Variants in NUP54 observed in about 807,000 individuals in gnomAD.
NUP54 encodes the protein nucleoporin 54, also known as nucleoporin p54.
NUP54 carries 27 observed loss-of-function variants against 66.4 expected under a neutral mutation model. That is an observed-to-expected ratio of 0.41 (90% CI 0.30 to 0.56). NUP54 has a LOEUF of 0.56. NUP54 is among the 20% of genes least tolerant of loss of function. The pLI is 0.34. For missense variants in NUP54, 486 were observed against 596.3 expected (o/e 0.82, Z 1.93); for synonymous variants, 206 against 210.7 (o/e 0.98, Z 0.19).
At chr4:76,130,171 C>T (rs1020483822) in intron 8 of NUP54, among the ~76,000 whole-genome samples, 1 of 151,308 alleles carries the variant, frequency 6.6e-6, no homozygotes, top group African/African-American at 2.4e-5. Context: ...TAGTACAGAC[C>T]AGGTTTTGCC....
intron 3 of NUP54, among the ~76,000 whole-genome samples, chr4:76,137,839 C>T (rs1014170473): frequency 1.3e-5 from 2 of 152,186 alleles, no homozygotes; most frequent in African/African-American, 4.8e-5. Flanking sequence ...ATTTCAATTA[C>T]CTTTTCCTTA....
At chr4:76,129,734 A>G (rs1020111242) in intron 8 of NUP54, among the ~76,000 whole-genome samples, 10 of 151,680 alleles carry the variant, frequency 6.6e-5, no homozygotes, top group African/African-American at 1.9e-4. Context: ...GCGTGGTGGC[A>G]GGCGCCTGTA....
In NUP54 at chr4:76,123,856, G is replaced by A. The variant is rs1253953169; in HGVS notation, c.1164+793C>T. Among the ~76,000 whole-genome samples, 4 of 152,054 alleles carry A rather than the reference G, an allele frequency of 2.6e-5. No homozygotes were observed. The East Asian group carries it at 7.7e-4, about 29-fold the overall frequency. Reference sequence around the variant, plus strand: ...TTCTGTTTTGTATATCTACGGTGATGCCTCTTTTCCCACTACTAATTTTGT... The same window carrying A: ...TTCTGTTTTGTATATCTACGGTGATACCTCTTTTCCCACTACTAATTTTGT... On this transcript the variant is annotated intron_variant, in intron 9 of 11. Coordinates refer to ENST00000264883, the MANE Select transcript of NUP54 (RefSeq NM_017426.4).
In NUP54 at chr4:76,132,596, A is replaced by G. The variant is rs754212123; in HGVS notation, c.834T>C (p.Gly278=). ...CTGTTCTAGTCATAGAAAGGGTTAC[A>G]CCAAGTTGCTGCAATTGTGTTTTTA... is the stretch of plus-strand genomic sequence containing the variant. ...ANIKTQLQQL[G]VTLSMTRTEL... is the part of the protein sequence containing the mutation. Residue 278 remains glycine (G), a synonymous_variant, in exon 6 of 12, where the codon GGT becomes GGC. Coordinates refer to ENST00000264883, the MANE Select transcript of NUP54 (RefSeq NM_017426.4). 9 of 1,614,018 alleles carry G rather than the reference A, an allele frequency of 5.6e-6. No individual in the cohort carries two copies. The highest frequency in any genetic ancestry group is 6.8e-6 in the Non-Finnish European group (8 of 1,180,016).
chr4:76,132,491 T>C, intron 6 of NUP54, 32 bp downstream of exon 6: 1 of 1,500,776 alleles, frequency 6.7e-7, no homozygotes, highest in Non-Finnish European at 8.9e-7. Context: ...AATCTTTCTT[T>C]TTTTTTGAAC....
At chr4:76,127,155 G>A (rs1005313485) in intron 8 of NUP54, among the ~76,000 whole-genome samples, 28 of 152,194 alleles carry the variant, frequency 1.8e-4, no homozygotes, top group African/African-American at 4.8e-4. Context: ...ATATAGGGCT[G>A]GGCGCAGTGG....
intron 3 of NUP54, among the ~76,000 whole-genome samples, chr4:76,143,240 C>T (rs999587763): frequency 2.6e-5 from 4 of 152,126 alleles, no homozygotes; most frequent in Non-Finnish European, 5.9e-5. Context: ...ATACCATAGG[C>T]GTGCAATCAG....
At chr4:76,131,064 T>C (rs1243207724) in intron 7 of NUP54, among the ~76,000 whole-genome samples, 166 bp downstream of exon 7, 4 of 152,174 alleles carry the variant, frequency 2.6e-5, no homozygotes, top group Admixed American at 2.0e-4. Context: ...TTTTTCTTTT[T>C]GTTTTGGCTG....
At chr4:76,129,900 T>G (rs1730716473) in intron 8 of NUP54, among the ~76,000 whole-genome samples, 1 of 138,402 alleles carries the variant, frequency 7.2e-6, no homozygotes, top group Non-Finnish European at 1.6e-5. Context: ...CTTAGCAAAG[T>G]TAAAAGAATT....
intron 8 of NUP54, among the ~76,000 whole-genome samples, chr4:76,128,947 G>A (rs4859618): frequency 0.16 from 23,862 of 152,134 alleles, 2,866 homozygotes; most frequent in African/African-American, 0.33. Context: ...TAGGAGTAGG[G>A]AACTGCCAAA....
chr4:76,143,940 C>T (rs1731374018), intron 3 of NUP54, among the ~76,000 whole-genome samples: 1 of 152,148 alleles, frequency 6.6e-6, no homozygotes. Flanking sequence ...TGGAATGATC[C>T]TAAACACAGG....
rs765454936 is a variant in NUP54 at position 76,130,694 on chromosome 4, G to C, written c.1018C>G (p.Gln340Glu). 4 of 1,613,598 alleles carry C rather than the reference G, an allele frequency of 2.5e-6. No individual in the cohort carries two copies. Among genetic ancestry groups the C allele is most frequent in the Admixed American group, 1.7e-5 (1 of 59,992 alleles). Reference protein sequence around the residue: ...FKELLRRLKVQDQMTKQHQTR... With the variant: ...FKELLRRLKVEDQMTKQHQTR... ...TGATGCTGCTTAGTCATCTGATCTT[G>C]AACCTTCAGTCTTCGGAGAAGTTCC... The change falls in exon 8 of 12, where the codon CAA becomes GAA. Residue 340 changes from glutamine to glutamate, a missense_variant. By Grantham distance (29) the Gln-to-Glu change is conservative. Transcript: ENST00000264883.
At chr4:76,143,007 G>A (rs1429686801) in intron 3 of NUP54, among the ~76,000 whole-genome samples, 1 of 152,058 alleles carries the variant, frequency 6.6e-6, no homozygotes, top group African/African-American at 2.4e-5. Flanking sequence ...AGGTGGAATG[G>A]CACTATTTGT....
At chr4:76,118,602 G>A (rs1246633559) in intron 9 of NUP54, among the ~76,000 whole-genome samples, 1 of 142,756 alleles carries the variant, frequency 7.0e-6, no homozygotes, top group Non-Finnish European at 1.5e-5. Flanking sequence ...ATGTGGCCCA[G>A]GCTGGTCTTG....
chr4:76,146,236 A>G (rs2197104), intron 1 of NUP54: 42,723 of 249,302 alleles, frequency 0.17, 4,282 homozygotes, highest in East Asian at 0.38. Context: ...ATAACTCAAA[A>G]CTTAACAGTG....
In NUP54 at chr4:76,136,279, T is replaced by C; in HGVS notation, c.429A>G (p.Gln143=). ...ERDAILAKWN[Q]LQAFWGTGKG... ...TTCCTGTTCCCCAAAAGGCCTGCAG[T>C]TGATTCCATTTTGCCAAAATAGCAT... Residue 143 remains glutamine, a synonymous_variant, in exon 4 of 12, where the codon CAA becomes CAG. Transcript: ENST00000264883. 1 of 1,614,142 alleles carries C rather than the reference T, an allele frequency of 6.2e-7. No individual in the cohort carries two copies. Among genetic ancestry groups the C allele is most frequent in the Non-Finnish European group, 8.5e-7 (1 of 1,179,996 alleles).
rs1730035684 is a variant in NUP54 at position 76,118,101 on chromosome 4, C to T, written c.1258G>A (p.Glu420Lys). The stretch of plus-strand genomic sequence containing the variant: ...TTGAACTGAGTAGGTGCATTTAGTT[C>T]ACCCTGAATCGTATCCAGCTGAACT... The part of the protein sequence containing the change: ...LRVQLDTIQG[E>K]LNAPTQFKGR... The change falls in exon 10 of 12, where the codon GAA becomes AAA. Residue 420 changes from glutamate (E) to lysine (K), a missense_variant. Around this residue, in one of 4 missense-constraint regions of NUP54, gnomAD observed 83 missense variants for 128.6 expected, o/e 0.65. Transcript: ENST00000264883. The T allele has an allele frequency of 2.5e-6, 4 of 1,613,912 alleles. No homozygotes were observed. The highest frequency in any genetic ancestry group is 2.7e-5 in the African/African-American group (2 of 74,928).
chr4:76,127,884 A>T (rs1457457835), intron 8 of NUP54, among the ~76,000 whole-genome samples: 3 of 152,208 alleles, frequency 2.0e-5, no homozygotes, highest in African/African-American at 7.2e-5. Flanking sequence ...AGCATATACA[A>T]CCCCAATCTC....
In NUP54 at chr4:76,124,751, T is replaced by C. The variant is rs1730391270; in HGVS notation, c.1062A>G (p.Ile354Met). ...TKQHQTRLDIISEDISELQKN... is the reference protein window; with the variant it reads ...TKQHQTRLDIMSEDISELQKN... The stretch of plus-strand genomic sequence containing the variant: ...TTTGTAGCTCACTAATATCTTCAGA[T>C]ATGATCTGTTTAAAAAAAAATTGGG... Residue 354 changes from isoleucine (I) to methionine (M), a missense_variant, in exon 9 of 12, where the codon ATA becomes ATG. Ile to Met is a conservative substitution (Grantham distance 10). Around this residue, in one of 4 missense-constraint regions of NUP54, gnomAD observed 217 missense variants for 247.9 expected, o/e 0.88. Coordinates refer to ENST00000264883, the MANE Select transcript of NUP54 (RefSeq NM_017426.4). The C allele has an allele frequency of 8.4e-7, 1 of 1,195,828 alleles. No individual in the cohort carries two copies. The highest frequency in any genetic ancestry group is 1.1e-6 in the Non-Finnish European group (1 of 877,008). 74.1% of individuals were successfully genotyped at this position (1,195,828 alleles called of 1,614,324 possible).
Sources: allele counts gnomAD v4.1 joint callset (sites outside exome capture counted in the v4.1 genomes callset), GRCh38; gene constraint gnomAD v4.1.1; regional missense constraint gnomAD v4.1.1; transcripts MANE v1.5; gene names NCBI Gene and HGNC (gene_info 2026-07-23, HGNC 2026-07-21).